Variants in COL12A1 observed in about 807,000 individuals in gnomAD.
COL12A1 encodes the protein collagen alpha-1(XII) chain.
COL12A1 carries 114 observed loss-of-function variants against 349.7 expected under a neutral mutation model. The observed-to-expected ratio is 0.33, with a 90% CI of 0.28 to 0.38. The LOEUF is 0.38. COL12A1 is among the 10% of genes least tolerant of loss of function. COL12A1 has a pLI of 1.00. For missense variants in COL12A1, 3,284 were observed against 3,756.9 expected, an observed-to-expected ratio of 0.87 and a Z score of 3.29; for synonymous variants, 1,369 against 1,329.0, an observed-to-expected ratio of 1.03 and a Z score of -0.66.
intron 64 of COL12A1, among the ~76,000 whole-genome samples, chr6:75,088,542 C>A (rs938487889): frequency 2.0e-5 from 3 of 151,548 alleles, no homozygotes; most frequent in Non-Finnish European, 4.4e-5. Flanking sequence ...GAAATAGTAA[C>A]CCTTTGTGTC....
In COL12A1 at chr6:75,124,511, C is replaced by A. The variant is rs1765919273; in HGVS notation, c.6608-140G>T. On this transcript the variant is annotated intron_variant, in intron 40 of 65. Coordinates refer to ENST00000322507, the MANE Select transcript of COL12A1 (RefSeq NM_004370.6). ...ATTATGTTTCCTTATAAGAAACATA[C>A]ATGAATCATATTTAAAAATGTGGTA... 5 of 571,732 alleles carry A rather than the reference C, an allele frequency of 8.7e-6. No homozygotes were observed. In the East Asian group the frequency reaches 1.5e-4, roughly 18 times the overall value. The allele number at this position is 571,732 out of a possible 1,614,324, so 35.4% of individuals were successfully genotyped here.
chr6:75,113,371 G>T (rs1303409180), intron 50 of COL12A1, 58 bp from the exon 51 acceptor site: 3 of 1,144,748 alleles, frequency 2.6e-6, no homozygotes, highest in East Asian at 2.8e-5. Flanking sequence ...TTTATTTAAA[G>T]TATTAGCAAA....
Position 75,156,494 on chromosome 6 carries a change from C to T in COL12A1, c.3013G>A (p.Asp1005Asn). 6.2e-7 allele frequency: 1 copy of T among 1,613,612 alleles called. No homozygotes were observed. The highest frequency in any genetic ancestry group is 1.1e-5 in the South Asian group (1 of 91,068). Residue 1005 changes from aspartate (D) to asparagine (N), a missense_variant, in exon 15 of 66, where the codon GAT (aspartate) becomes AAT (asparagine). Coordinates refer to ENST00000322507, the MANE Select transcript of COL12A1 (RefSeq NM_004370.6). ...CTCATTGTGTTTTCTGTTTCTTCAT[C>T]TACTTTCAGGGTTTTGGAATCTTGA... ...LSQDSKTLKV[D>N]EETENTMRVT... is the part of the protein sequence containing the mutation.
intron 32 of COL12A1, among the ~76,000 whole-genome samples, chr6:75,134,297 C>T (rs536695203): frequency 1.6e-4 from 24 of 152,192 alleles, no homozygotes; most frequent in South Asian, 6.2e-4. Flanking sequence ...TGGCCAGGCA[C>T]GGTGGATCAT....
Position 75,095,154 on chromosome 6 carries a change from G to C in COL12A1, c.8603C>G (p.Thr2868Arg). 1 of 1,614,088 alleles carries C rather than the reference G, an allele frequency of 6.2e-7. No individual in the cohort carries two copies. The highest frequency in any genetic ancestry group is 8.5e-7 in the Non-Finnish European group (1 of 1,180,004). Residue 2868 changes from threonine to arginine, a missense_variant, in exon 60 of 66, where the codon ACA (threonine) becomes AGA (arginine). By Grantham distance (71) the Thr-to-Arg change is moderately conservative (BLOSUM62 -1). Coordinates refer to ENST00000322507, the MANE Select transcript of COL12A1 (RefSeq NM_004370.6). ...TTTTCCTGGCTTCCCACTTGGTCCT[G>C]TGACTCCTGGGGAGCCTGGGCTTCC... is the stretch of plus-strand genomic sequence containing the variant. The part of the protein sequence containing the change: ...PPGSPGSPGV[T>R]GPSGKPGKPG...
intron 36 of COL12A1, among the ~76,000 whole-genome samples, 190 bp downstream of exon 36, chr6:75,130,662 G>A (rs993713487): frequency 2.6e-5 from 4 of 152,032 alleles, no homozygotes; most frequent in African/African-American, 9.7e-5. Flanking sequence ...ATGAGAACAC[G>A]AACAGAAGAA....
chr6:75,175,049 G>T lies in COL12A1; in HGVS notation c.2699C>A (p.Thr900Lys). 6.2e-7 allele frequency: 1 copy of T among 1,614,002 alleles called. No homozygotes were observed. Among genetic ancestry groups the T allele is most frequent in the Admixed American group, 1.7e-5 (1 of 60,012 alleles). ...ATGATGGTAATTACCTTCAAGTGTT[G>T]TTCCTTCACCAAAGAGGGCGTCTCC... is the stretch of plus-strand genomic sequence containing the variant. Reference protein sequence around the residue: ...GAGDALFGEGTTLEERGSPQD... With the variant: ...GAGDALFGEGKTLEERGSPQD... Residue 900 changes from threonine to lysine, a missense_variant, in exon 13 of 66, where the codon ACA becomes AAA. By Grantham distance (78) the Thr-to-Lys change is moderately conservative (BLOSUM62 -1). Coordinates refer to ENST00000322507, the MANE Select transcript of COL12A1 (RefSeq NM_004370.6).
chr6:75,139,540 A>C (rs1427486149), intron 27 of COL12A1, among the ~76,000 whole-genome samples: 2 of 152,236 alleles, frequency 1.3e-5, no homozygotes, highest in Non-Finnish European at 2.9e-5. Flanking sequence ...AAAAATGAGA[A>C]TGTCTGCCTA....
At chr6:75,104,504 C>A (rs1226851850) in intron 54 of COL12A1, among the ~76,000 whole-genome samples, 1 of 152,130 alleles carries the variant, frequency 6.6e-6, no homozygotes, top group East Asian at 1.9e-4. Flanking sequence ...TGAGCTCCTC[C>A]TGTGTTAATT....
At chr6:75,097,414 C>A in intron 58 of COL12A1, 108 bp from the exon 59 acceptor site, 3 of 729,218 alleles carry the variant, frequency 4.1e-6, no homozygotes, top group South Asian at 4.6e-5. Flanking sequence ...GGATTTAGCC[C>A]AACATGCTGT....
chr6:75,097,265 T>C lies in COL12A1; in HGVS notation c.8565A>G (p.Pro2855=), dbSNP rs202239067. The C allele has an allele frequency of 2.7e-4, 428 of 1,613,856 alleles. 3 individuals are homozygous for C. In the South Asian group the frequency reaches 4.4e-3, roughly 17 times the overall value. Residue 2855 remains proline (P), a synonymous_variant, in exon 59 of 66, where the codon CCA becomes CCG. Coordinates refer to ENST00000322507, the MANE Select transcript of COL12A1 (RefSeq NM_004370.6). ...GKDGAMGPRG[P]PGPPGSPGSP... Reference sequence around the variant, plus strand: ...ATTTAGTTCTTACCGGCGGCCCTGGTGGGCCCCTGGGTCCCATTGCACCGT... The same window carrying C: ...ATTTAGTTCTTACCGGCGGCCCTGGCGGGCCCCTGGGTCCCATTGCACCGT...
At chr6:75,194,450 A>G (rs1770113914) in intron 3 of COL12A1, among the ~76,000 whole-genome samples, 1 of 152,188 alleles carries the variant, frequency 6.6e-6, no homozygotes, top group Non-Finnish European at 1.5e-5. Context: ...GACACTGGGT[A>G]AGGTGTAACA....
At chr6:75,178,153 T>A (rs1769074838) in intron 11 of COL12A1, among the ~76,000 whole-genome samples, 1 of 152,162 alleles carries the variant, frequency 6.6e-6, no homozygotes, top group Non-Finnish European at 1.5e-5. Flanking sequence ...AGAAAGAAAC[T>A]AAGTACTGTT....
chr6:75,087,610 C>A lies in COL12A1; in HGVS notation c.9148G>T (p.Ala3050Ser), dbSNP rs1408621028. The A allele has an allele frequency of 6.2e-7, 1 of 1,613,748 alleles. No individual in the cohort carries two copies. The highest frequency in any genetic ancestry group is 8.5e-7 in the Non-Finnish European group (1 of 1,179,880). ...PPGYCDSSQC[A>S]SIPYNGQGYP... ...CCTTGCCCGTTGTATGGGATGCTGG[C>A]ACACTGAGAAGAATCACAGTATCCA... The change falls in exon 65 of 66, where the codon GCC (alanine) becomes TCC (serine). Residue 3050 changes from alanine to serine, a missense_variant. Physicochemically the swap from Ala to Ser is moderately conservative, Grantham distance 99. Transcript: ENST00000322507.
At chr6:75,171,302 G>C (rs952781040) in intron 13 of COL12A1, among the ~76,000 whole-genome samples, 1 of 152,160 alleles carries the variant, frequency 6.6e-6, no homozygotes, top group Non-Finnish European at 1.5e-5. Context: ...CTCTGCCTTT[G>C]TGATTCTATT....
intron 2 of COL12A1, among the ~76,000 whole-genome samples, chr6:75,202,222 C>G (rs1770564975): frequency 6.6e-6 from 1 of 152,236 alleles, no homozygotes; most frequent in African/African-American, 2.4e-5. Flanking sequence ...ACTGAGCTCC[C>G]CACAAAGCAC....
chr6:75,087,449 T>A, intron 65 of COL12A1, 128 bp downstream of exon 65: 3 of 818,370 alleles, frequency 3.7e-6, no homozygotes, highest in Non-Finnish European at 5.9e-6. Flanking sequence ...TATTATATAA[T>A]CAGAACTGAA....
chr6:75,158,054 C>T (rs1459376171), intron 14 of COL12A1, among the ~76,000 whole-genome samples: 1 of 151,928 alleles, frequency 6.6e-6, no homozygotes, highest in East Asian at 1.9e-4. Context: ...TATCTAGCAC[C>T]CAAGCAAATA....
chr6:75,103,241 T>G (rs1011909441), intron 55 of COL12A1, among the ~76,000 whole-genome samples: 1 of 152,218 alleles, frequency 6.6e-6, no homozygotes, highest in African/African-American at 2.4e-5. Flanking sequence ...TTATCATTAA[T>G]TATATTATGA....
Sources: gnomAD v4.1 joint callset for allele counts (sites outside exome capture counted in the v4.1 genomes callset) on GRCh38, gnomAD v4.1.1 for gene constraint, MANE v1.5 for transcripts, NCBI Gene and HGNC (gene_info 2026-07-23, HGNC 2026-07-21) for gene names.